The following PPP2R2D variants were observed in gnomAD, a reference collection of about 807,000 sequenced individuals.
PPP2R2D encodes serine/threonine-protein phosphatase 2A 55 kDa regulatory subunit B delta isoform.
Under a neutral mutation model 31.1 loss-of-function variants are expected in PPP2R2D, and 9 were observed. That is an observed-to-expected ratio of 0.29 (90% CI 0.17 to 0.51). The LOEUF is 0.51. Among genes scored for constraint, PPP2R2D ranks in the 20% least tolerant of loss-of-function variants. The pLI is 0.98. For missense variants in PPP2R2D, 391 were observed against 465.6 expected (o/e 0.84, Z 1.48); for synonymous variants, 179 against 172.6 (o/e 1.04, Z -0.29).
chr10:131,951,911 T>C (rs2036643306), intron 8 of PPP2R2D, among the ~76,000 whole-genome samples: 1 of 152,240 alleles, frequency 6.6e-6, no homozygotes, highest in South Asian at 2.1e-4. Context: ...CAACTGGGGA[T>C]GGGATAGGAG....
At chr10:131,946,669 ATGCT>A (rs1554898027) in intron 7 of PPP2R2D, among the ~76,000 whole-genome samples, 1 of 152,170 alleles carries the variant, frequency 6.6e-6, no homozygotes, top group African/African-American at 2.4e-5. Flanking sequence ...ATTTGAGTAA[ATGCT>A]TGGCGTCGGC....
chr10:131,955,798 A>G lies in PPP2R2D; in HGVS notation c.1197A>G (p.Lys399=), dbSNP rs1384505481. 12 of 1,600,318 alleles carry G rather than the reference A, an allele frequency of 7.5e-6. No homozygotes were observed. The highest frequency in any genetic ancestry group is 1.0e-5 in the Non-Finnish European group (12 of 1,171,812). ...RESSKPRASL[K]PRKVCTGGKR... ...GCAGCAAACCGCGCGCCAGCCTCAA[A>G]CCCCGGAAGGTGTGTACGGGGGGTA... Residue 399 remains lysine, a synonymous_variant, in exon 9 of 9, where the codon AAA becomes AAG. Transcript: ENST00000455566.
chr10:131,908,508 C>T (rs1051118615), intron 2 of PPP2R2D, among the ~76,000 whole-genome samples: 11 of 152,264 alleles, frequency 7.2e-5, no homozygotes, highest in African/African-American at 2.4e-4. Flanking sequence ...TTATTAGGCT[C>T]GTCTCTCCCA....
chr10:131,957,582 ATCTCCC>A lies in PPP2R2D; in HGVS notation c.*1621_*1626del, dbSNP rs2036826962. Reference sequence around the variant, plus strand: ...AGATGAAGGTGCGTGCTGATCCCCCATCTCCCTGTGGAGATGAAGGTGTGTGCTGAT... The same window carrying A: ...AGATGAAGGTGCGTGCTGATCCCCCATGTGGAGATGAAGGTGTGTGCTGAT... On this transcript the variant is annotated 3_prime_UTR_variant, in exon 9 of 9. Transcript: ENST00000455566. The A allele has an allele frequency of 8.3e-6, 1 of 120,386 alleles. No homozygotes were observed. Among genetic ancestry groups the A allele is most frequent in the African/African-American group, 3.7e-5 (1 of 26,852 alleles). The allele number at this position is 120,386 out of a possible 1,614,324, so 7.5% of individuals were successfully genotyped here. A position where few individuals can be genotyped will look rare whatever the true frequency, so the allele number is the denominator to read the frequency against.
At chr10:131,959,905 C>T (rs1203889712), downstream of PPP2R2D, 2 of 152,260 alleles carry the variant, frequency 1.3e-5, no homozygotes, top group East Asian at 1.9e-4. Flanking sequence ...TAGCCCACCT[C>T]CTCCACCCCC....
chr10:131,957,162 C>T lies in PPP2R2D; in HGVS notation c.*1199C>T, dbSNP rs372987179. On this transcript the variant is annotated 3_prime_UTR_variant, in exon 9 of 9. Transcript: ENST00000455566. ...CGTGTCCCCGAGGGGAGTGGGGAGT[C>T]GGGCTCCCGTGCCCCTGTGGAGATG... 3.6e-4 allele frequency: 60 copies of T among 166,376 alleles called. 3 individuals carry two copies. The South Asian group carries it at 7.2e-3, about 20-fold the overall frequency. The allele number at this position is 166,376 out of a possible 1,614,324, so 10.3% of individuals were successfully genotyped here.
At chr10:131,918,546 G>A (rs1481942829) in intron 2 of PPP2R2D, among the ~76,000 whole-genome samples, 1 of 149,080 alleles carries the variant, frequency 6.7e-6, no homozygotes, top group Admixed American at 6.7e-5. Flanking sequence ...CACAGTGTAG[G>A]GATCTCACGT....
In PPP2R2D at chr10:131,947,175, C is replaced by T. The variant is rs1359969613; in HGVS notation, c.821-355C>T. Among the ~76,000 whole-genome samples the T allele has an allele frequency of 2.6e-5, 4 of 152,180 alleles. No homozygotes were observed. The highest frequency in any genetic ancestry group is 5.9e-5 in the Non-Finnish European group (4 of 68,036). ...ACGCGGAGACACTCCTACAGGAATGCGGTGGTGCTGAACCTGGGCACACAT... is the reference window on the plus strand; with the variant it reads ...ACGCGGAGACACTCCTACAGGAATGTGGTGGTGCTGAACCTGGGCACACAT... On this transcript the variant is annotated intron_variant, in intron 7 of 8. Coordinates refer to ENST00000455566, the MANE Select transcript of PPP2R2D (RefSeq NM_018461.5). This position sits in a 1 kb window ranked among gnomAD's most constrained non-coding sequence, Gnocchi z 4.3.
At chr10:131,937,434 C>A (rs571350969) in intron 3 of PPP2R2D, among the ~76,000 whole-genome samples, 2 of 152,342 alleles carry the variant, frequency 1.3e-5, no homozygotes, top group African/African-American at 4.8e-5. Context: ...TCGCTTCCTC[C>A]TCTTCCTGTG....
downstream of PPP2R2D, among the ~76,000 whole-genome samples, chr10:131,963,015 T>A (rs1554901702): frequency 6.6e-6 from 1 of 152,068 alleles, no homozygotes; most frequent in East Asian, 1.9e-4. Flanking sequence ...ATACAAAAAA[T>A]TTAGCCAGAT....
chr10:131,920,425 A>C (rs1164172633), intron 2 of PPP2R2D, among the ~76,000 whole-genome samples: 1 of 152,124 alleles, frequency 6.6e-6, no homozygotes, highest in African/African-American at 2.4e-5. Flanking sequence ...ACGCGGGTGG[A>C]ATGACACAGT....
chr10:131,971,145 C>T, the PPP2R2D span: 38 of 622,930 alleles, frequency 6.1e-5, no homozygotes, highest in Admixed American at 2.0e-4. Flanking sequence ...TTCCCCGGGC[C>T]GCGCCGCACT....
chr10:131,958,035 T>A lies in PPP2R2D; in HGVS notation c.*2072T>A. The stretch of plus-strand genomic sequence containing the variant: ...CTGATCCCCCGTCCCCCTGTGGAGA[T>A]GAAGGTGTGTGCTGATCCCCCATCC... On this transcript the variant is annotated 3_prime_UTR_variant, in exon 9 of 9. Transcript: ENST00000455566. 7.2e-6 allele frequency: 1 copy of A among 138,962 alleles called. No individual in the cohort carries two copies. 8.6% of individuals were successfully genotyped at this position (138,962 alleles called of 1,614,324 possible).
chr10:131,940,905 T>A (rs190848161), intron 5 of PPP2R2D: 265 of 484,262 alleles, frequency 5.5e-4, no homozygotes, highest in African/African-American at 4.9e-3. Flanking sequence ...CATGTGGTCC[T>A]TAGGAAACAC....
chr10:131,954,031 G>C (rs1325355539), intron 8 of PPP2R2D, among the ~76,000 whole-genome samples: 2 of 152,146 alleles, frequency 1.3e-5, no homozygotes, highest in African/African-American at 2.4e-5. Flanking sequence ...GCCCAATCCT[G>C]ATTCTCCGTG....
intron 8 of PPP2R2D, among the ~76,000 whole-genome samples, chr10:131,954,630 CT>C (rs35027240): frequency 0.21 from 30,093 of 144,052 alleles, 3,071 homozygotes; most frequent in South Asian, 0.27. Flanking sequence ...CTGAGTTCGT[CT>C]TTTTTTTTTT....
At chr10:131,960,720 C>T (rs1433947808), downstream of PPP2R2D, among the ~76,000 whole-genome samples, 1 of 152,218 alleles carries the variant, frequency 6.6e-6, no homozygotes, top group Non-Finnish European at 1.5e-5. Flanking sequence ...GGGTCTGGGG[C>T]TGCGGAGGCT....
At chr10:131,901,797 G>T (rs905199114) in intron 2 of PPP2R2D, among the ~76,000 whole-genome samples, 58 of 152,030 alleles carry the variant, frequency 3.8e-4, no homozygotes, top group African/African-American at 1.3e-3. Flanking sequence ...CCCCCACCAG[G>T]CTCTGCGTTT....
intron 2 of PPP2R2D, among the ~76,000 whole-genome samples, chr10:131,928,832 C>T (rs545850211): frequency 2.6e-5 from 4 of 152,314 alleles, no homozygotes; most frequent in Admixed American, 6.5e-5. Flanking sequence ...TCCAAATGGC[C>T]GTCCAGGCAG....
Sources: gnomAD v4.1 joint callset for allele counts (sites outside exome capture counted in the v4.1 genomes callset) on GRCh38, gnomAD v4.1.1 for gene constraint, Gnocchi (gnomAD v3.1) non-coding constraint, MANE v1.5 for transcripts, NCBI Gene and HGNC (gene_info 2026-07-23, HGNC 2026-07-21) for gene names.